The following WDR70 variants were observed in gnomAD, a reference collection of about 807,000 sequenced individuals.
WDR70 encodes the protein WD repeat domain 70, also known as WD repeat-containing protein 70.
A neutral mutation model predicts 88.6 loss-of-function variants in WDR70; 53 were observed. The ratio of observed to expected loss-of-function variants is 0.60; its 90% CI spans 0.48 to 0.75. The LOEUF (loss-of-function observed/expected upper bound fraction) is 0.75. WDR70 is among the 30% of genes least tolerant of loss of function. The pLI, the probability that WDR70 is intolerant of heterozygous loss-of-function variation, is 0.00. For missense variants in WDR70, 610 were observed against 823.2 expected (o/e 0.74, Z 3.17); for synonymous variants, 280 against 270.0 (o/e 1.04, Z -0.36).
chr5:37,605,303 C>T (rs1744005621), intron 10 of WDR70, 65 bp downstream of exon 10: 3 of 1,485,638 alleles, frequency 2.0e-6, no homozygotes, highest in Non-Finnish European at 2.7e-6. Context: ...GGCCACCTTA[C>T]AAAGACAAAC....
chr5:37,658,573 T>A (rs553687201), intron 10 of WDR70, among the ~76,000 whole-genome samples: 1 of 152,234 alleles, frequency 6.6e-6, no homozygotes, highest in South Asian at 2.1e-4. Flanking sequence ...TGTAAGGACA[T>A]TCCTGTCCCC....
intron 10 of WDR70, among the ~76,000 whole-genome samples, chr5:37,641,411 CTTT>C (rs70978833): frequency 2.5e-5 from 2 of 80,340 alleles, no homozygotes; most frequent in Non-Finnish European, 4.4e-5. Flanking sequence ...TGTCCACATC[CTTT>C]TTTTTTTTTT....
intron 3 of WDR70, among the ~76,000 whole-genome samples, chr5:37,389,831 G>C (rs867161678): frequency 6.6e-6 from 1 of 152,150 alleles, no homozygotes; most frequent in Non-Finnish European, 1.5e-5. Context: ...AAGTCAACAT[G>C]ATCTAGCACT....
rs1014061992 is a variant in WDR70 at position 37,422,361 on chromosome 5, C to T, written c.493-15561C>T. ...CCGGAGTAGTGCAGTGGTGCAATAT[C>T]GACTTATGCAATCTCCACTTCCCGG... is the stretch of plus-strand genomic sequence containing the variant. On this transcript the variant is annotated intron_variant, in intron 5 of 17. Transcript: ENST00000265107. Among the ~76,000 whole-genome samples, 6 of 7,786 alleles carry T rather than the reference C, an allele frequency of 7.7e-4. No individual in the cohort carries two copies. The South Asian group carries it at 0.3, about 389-fold the overall frequency. The allele number at this position is 7,786 out of a possible 152,430, so 5.1% of individuals were successfully genotyped here.
At chr5:37,381,376 G>A (rs1307308218) in intron 2 of WDR70, among the ~76,000 whole-genome samples, 1 of 152,154 alleles carries the variant, frequency 6.6e-6, no homozygotes, top group African/African-American at 2.4e-5. Flanking sequence ...ATAGGGTAGG[G>A]ATCTAGAGGA....
chr5:37,407,479 C>G (rs964948937), intron 5 of WDR70, among the ~76,000 whole-genome samples: 1 of 150,628 alleles, frequency 6.6e-6, no homozygotes, highest in Admixed American at 6.6e-5. Flanking sequence ...AGCTAAAAAT[C>G]GTACCACTGT....
chr5:37,560,652 T>A (rs1742474458), intron 9 of WDR70, among the ~76,000 whole-genome samples: 1 of 152,156 alleles, frequency 6.6e-6, no homozygotes, highest in South Asian at 2.1e-4. Flanking sequence ...TCTAATATGC[T>A]TCAATAGTTC....
intron 9 of WDR70, among the ~76,000 whole-genome samples, chr5:37,538,008 T>C (rs78009958): frequency 0.048 from 7,359 of 152,260 alleles, 572 homozygotes; most frequent in African/African-American, 0.16. Flanking sequence ...GAATCTTATA[T>C]ATCAGAGTGC....
chr5:37,557,837 A>G (rs1248288274), intron 9 of WDR70, among the ~76,000 whole-genome samples: 1 of 16,006 alleles, frequency 6.2e-5, no homozygotes, highest in Non-Finnish European at 1.2e-4. Flanking sequence ...ACTATATAAT[A>G]AAAAATAAAT....
chr5:37,442,019 T>C (rs1395331614), intron 6 of WDR70, among the ~76,000 whole-genome samples: 1 of 146,084 alleles, frequency 6.8e-6, no homozygotes, highest in Non-Finnish European at 1.5e-5. Context: ...CTAGGAAAGT[T>C]CACAGGGAAA....
In WDR70 at chr5:37,479,977, C is replaced by G. The variant is rs1468695596; in HGVS notation, c.830C>G (p.Ala277Gly). Reference sequence around the variant, plus strand: ...GGAGACCAGTATATTGTGGACATGGCCAACACCAAGGTAAGCATTAAACAG... The same window carrying G: ...GGAGACCAGTATATTGTGGACATGGGCAACACCAAGGTAAGCATTAAACAG... ...IKGDQYIVDMANTKGHTAMLH... is the reference protein window; with the variant it reads ...IKGDQYIVDMGNTKGHTAMLH... The change falls in exon 8 of 18, where the codon GCC becomes GGC. Residue 277 changes from alanine (A) to glycine (G), a missense_variant. By Grantham distance (60) the Ala-to-Gly change is moderately conservative. Around this residue, in one of 4 missense-constraint regions of WDR70, gnomAD observed 83 missense variants for 155.3 expected, o/e 0.53. Transcript: ENST00000265107. 6.2e-7 allele frequency: 1 copy of G among 1,612,242 alleles called. No individual in the cohort carries two copies. The highest frequency in any genetic ancestry group is 8.5e-7 in the Non-Finnish European group (1 of 1,179,330).
chr5:37,640,101 C>T (rs1006990771), intron 10 of WDR70, among the ~76,000 whole-genome samples: 6 of 152,022 alleles, frequency 3.9e-5, no homozygotes, highest in South Asian at 2.1e-4. Context: ...TTCTTTGAGC[C>T]CCTATGGACA....
At chr5:37,560,615 G>C (rs1258246079) in intron 9 of WDR70, among the ~76,000 whole-genome samples, 2 of 151,908 alleles carry the variant, frequency 1.3e-5, no homozygotes, top group Non-Finnish European at 2.9e-5. Context: ...TTATGCAACT[G>C]CATATTCCAA....
At chr5:37,675,143 A>G (rs1285348347) in intron 10 of WDR70, among the ~76,000 whole-genome samples, 1 of 152,118 alleles carries the variant, frequency 6.6e-6, no homozygotes, top group Non-Finnish European at 1.5e-5. Context: ...GCCCTTTGTC[A>G]GAGGAGTAGG....
chr5:37,401,382 CTCGGCTCACTGCAACCT>C (rs1256316340), intron 5 of WDR70, among the ~76,000 whole-genome samples: 10 of 148,288 alleles, frequency 6.7e-5, no homozygotes, highest in Non-Finnish European at 1.5e-5. Context: ...GTGGTGCAAT[CTCGGCTCACTGCAACCT>C]CCGCCTCCTG....
Position 37,727,020 on chromosome 5 carries a change from T to C in WDR70, c.1852T>C (p.Tyr618His). The stretch of plus-strand genomic sequence containing the variant: ...TGCCAAAGCAGCAGAAGACAGCCCA[T>C]ATTGGGTTTCTCCAGCATATTCCAA... ...RHAKAAEDSP[Y>H]WVSPAYSKTQ... The change falls in exon 17 of 18, where the codon TAT (tyrosine) becomes CAT (histidine). Residue 618 changes from tyrosine (Y) to histidine (H), a missense_variant. Tyr to His is a moderately conservative substitution (Grantham distance 83). Around this residue, in one of 4 missense-constraint regions of WDR70, gnomAD observed 70 missense variants for 139.2 expected, o/e 0.50. Coordinates refer to ENST00000265107, the MANE Select transcript of WDR70 (RefSeq NM_018034.4). 6.2e-7 allele frequency: 1 copy of C among 1,609,764 alleles called. No individual in the cohort carries two copies. The highest frequency in any genetic ancestry group is 8.5e-7 in the Non-Finnish European group (1 of 1,178,378).
chr5:37,632,873 A>C (rs984296929), intron 10 of WDR70, among the ~76,000 whole-genome samples: 9 of 152,156 alleles, frequency 5.9e-5, no homozygotes, highest in Non-Finnish European at 1.3e-4. Flanking sequence ...CACCCACAGC[A>C]ACTTCTAGTC....
rs1163579426 is a variant in WDR70, at chr5:37,663,060, A to G, written c.1093-34595A>G. ...CATTTGCTTCAAATTGATTTTCTCA[A>G]GTGAGTAAATTGGAACTCCTGCTTT... On this transcript the variant is annotated intron_variant, in intron 10 of 17. Coordinates refer to ENST00000265107, the MANE Select transcript of WDR70 (RefSeq NM_018034.4). 2.0e-5 allele frequency among the ~76,000 whole-genome samples: 3 copies of G among 152,374 alleles called. No homozygotes were observed. In the East Asian group the frequency reaches 5.8e-4, roughly 29 times the overall value.
chr5:37,429,885 C>A (rs758254667), intron 5 of WDR70, among the ~76,000 whole-genome samples: 3 of 152,140 alleles, frequency 2.0e-5, no homozygotes, highest in Non-Finnish European at 2.9e-5. Context: ...TACAGAACTG[C>A]CTGCTGAGAT....
Sources: gnomAD v4.1 joint callset for allele counts (sites outside exome capture counted in the v4.1 genomes callset) on GRCh38, gnomAD v4.1.1 for gene constraint, gnomAD v4.1.1 regional missense constraint, MANE v1.5 for transcripts, NCBI Gene and HGNC (gene_info 2026-07-23, HGNC 2026-07-21) for gene names.